The following CCDC6 variants were observed in gnomAD, a reference collection of about 807,000 sequenced individuals.
The protein encoded by CCDC6 is coiled-coil domain containing 6, also known as coiled-coil domain-containing protein 6.
A neutral mutation model predicts 56.6 loss-of-function variants in CCDC6; 20 were observed. That is an observed-to-expected ratio of 0.35 (90% CI 0.25 to 0.51). The LOEUF (loss-of-function observed/expected upper bound fraction) is 0.51, where lower values mean the gene tolerates loss of function less well. Among genes scored for constraint, CCDC6 ranks in the 20% least tolerant of loss-of-function variants. The pLI, the probability that CCDC6 is intolerant of heterozygous loss-of-function variation, is 0.95. For missense variants in CCDC6, 367 were observed against 601.1 expected (o/e 0.61, Z 4.07); for synonymous variants, 241 against 234.4 (o/e 1.03, Z -0.26).
intron 1 of CCDC6, among the ~76,000 whole-genome samples, chr10:59,884,663 A>C (rs2071369212): frequency 6.6e-6 from 1 of 152,184 alleles, no homozygotes; most frequent in Admixed American, 6.5e-5. Context: ...AAAAAAATCA[A>C]GATATAGAAC....
intron 3 of CCDC6, among the ~76,000 whole-genome samples, chr10:59,823,078 A>G (rs1483896417): frequency 6.6e-6 from 1 of 152,098 alleles, no homozygotes; most frequent in Non-Finnish European, 1.5e-5. Flanking sequence ...TCCAGCTAAG[A>G]GCCACTTTCA....
At chr10:59,859,188 A>ATATGTGTG (rs1491553436) in intron 1 of CCDC6, among the ~76,000 whole-genome samples, 33 of 96,046 alleles carry the variant, frequency 3.4e-4, no homozygotes, top group African/African-American at 2.0e-3. Flanking sequence ...AAAAAAAAAT[A>ATATGTGTG]CATGTGTGTG....
chr10:59,818,499 G>A (rs545595768), intron 3 of CCDC6, among the ~76,000 whole-genome samples: 6 of 116,074 alleles, frequency 5.2e-5, no homozygotes, highest in African/African-American at 7.8e-5. Context: ...TGTTGACGGG[G>A]GGGGGGGAAG....
intron 7 of CCDC6, among the ~76,000 whole-genome samples, chr10:59,795,398 C>A (rs10994010): frequency 0.093 from 14,083 of 152,054 alleles, 1,113 homozygotes; most frequent in African/African-American, 0.21. Flanking sequence ...CAGGGAAATG[C>A]AAATCAAAAC....
chr10:59,897,319 T>C (rs2071471145), intron 1 of CCDC6, among the ~76,000 whole-genome samples: 1 of 151,932 alleles, frequency 6.6e-6, no homozygotes. Context: ...AATGGTGCAA[T>C]CTCGGCTCAC....
chr10:59,841,643 C>CAG (rs2070939785), intron 2 of CCDC6, among the ~76,000 whole-genome samples: 1 of 151,854 alleles, frequency 6.6e-6, no homozygotes, highest in Non-Finnish European at 1.5e-5. Flanking sequence ...TAGGTAAATG[C>CAG]AGCAGGCATC....
intron 1 of CCDC6, among the ~76,000 whole-genome samples, chr10:59,892,070 A>G (rs1474329790): frequency 6.6e-6 from 1 of 152,184 alleles, no homozygotes; most frequent in African/African-American, 2.4e-5. Flanking sequence ...AGTCCATTTC[A>G]AAGATTCATG....
intron 1 of CCDC6, 140 bp from the exon 2 acceptor site, chr10:59,852,842 C>T (rs2071050422): frequency 3.4e-6 from 2 of 596,546 alleles, no homozygotes; most frequent in Non-Finnish European, 5.3e-6. Flanking sequence ...TGAACCAACA[C>T]ACCCAAGAAA....
chr10:59,869,389 C>CAAAAAAA lies in CCDC6; in HGVS notation c.304-16694_304-16688dup. The stretch of plus-strand genomic sequence containing the variant: ...GCAGTGAGACATGGACTTGCTCAGG[C>CAAAAAAA]AAAAAAAAAAAAAAAAAAAAAAAAA... On this transcript the variant is annotated intron_variant, in intron 1 of 8. Coordinates refer to ENST00000263102, the MANE Select transcript of CCDC6 (RefSeq NM_005436.5). Among the ~76,000 whole-genome samples, 27 of 6,096 alleles carry CAAAAAAA rather than the reference C, an allele frequency of 4.4e-3. 5 individuals are homozygous for CAAAAAAA. The highest frequency in any genetic ancestry group is 0.031 in the South Asian group (2 of 64). 4.0% of individuals were successfully genotyped at this position (6,096 alleles called of 152,430 possible). A position where few individuals can be genotyped will look rare whatever the true frequency, so the allele number is the denominator to read the frequency against.
intron 2 of CCDC6, among the ~76,000 whole-genome samples, chr10:59,833,709 T>A (rs1270905436): frequency 1.4e-5 from 2 of 143,362 alleles, no homozygotes; most frequent in African/African-American, 2.5e-5. Flanking sequence ...GGGAAAAAAG[T>A]AAAAGCTACT....
intron 2 of CCDC6, among the ~76,000 whole-genome samples, chr10:59,842,425 T>C (rs925991869): frequency 1.3e-5 from 2 of 152,350 alleles, no homozygotes; most frequent in African/African-American, 4.8e-5. Context: ...TGTTACACTT[T>C]ATCAAATCCT....
intron 1 of CCDC6, among the ~76,000 whole-genome samples, chr10:59,877,550 A>G (rs1184360060): frequency 6.6e-6 from 1 of 152,174 alleles, no homozygotes; most frequent in East Asian, 1.9e-4. Context: ...GGTCATGGAA[A>G]CTGATGTGGC....
At position 59,788,931 on chromosome 10, in the gene CCDC6, T is replaced by A. The variant is rs1483804849; in HGVS notation, c.*3986A>T. 1 of 212,996 alleles carries A rather than the reference T, an allele frequency of 4.7e-6. No individual in the cohort carries two copies. The highest frequency in any genetic ancestry group is 9.5e-6 in the Non-Finnish European group (1 of 105,356). The allele number at this position is 212,996 out of a possible 1,614,324, so 13.2% of individuals were successfully genotyped here. On this transcript the variant is annotated 3_prime_UTR_variant, in exon 9 of 9. Coordinates refer to ENST00000263102, the MANE Select transcript of CCDC6 (RefSeq NM_005436.5). ...TTACCAGAACTCCAACCTAGTCAAG[T>A]TGTAGACAAGCTATCATGAACAACA...
chr10:59,882,589 G>GGCGGGAGAAGGAAAGC (rs1564756215), intron 1 of CCDC6, among the ~76,000 whole-genome samples: 1 of 35,296 alleles, frequency 2.8e-5, no homozygotes, highest in Non-Finnish European at 7.1e-5. Flanking sequence ...AAGGAAAGCC[G>GGCGGGAGAAGGAAAGC]CGGGGAGAAG....
At chr10:59,808,011 T>C (rs1050741570) in intron 5 of CCDC6, among the ~76,000 whole-genome samples, 1 of 152,236 alleles carries the variant, frequency 6.6e-6, no homozygotes, top group Admixed American at 6.5e-5. Flanking sequence ...GTGGTGTGTG[T>C]GTGGCTGTCT....
In CCDC6 at chr10:59,885,624, G is replaced by A. The variant is rs546504532; in HGVS notation, c.303+20498C>T. Among the ~76,000 whole-genome samples, 25 of 152,184 alleles carry A rather than the reference G, an allele frequency of 1.6e-4. No homozygotes were observed. In the South Asian group the frequency reaches 4.4e-3, roughly 27 times the overall value. On this transcript the variant is annotated intron_variant, in intron 1 of 8. Transcript: ENST00000263102. ...CCCGATCTCACTCTGACCACAACTC[G>A]TCTTTCAGTTCCTCAAACCTGCCCT...
chr10:59,811,098 A>C (rs2070668660), intron 5 of CCDC6, among the ~76,000 whole-genome samples: 1 of 152,162 alleles, frequency 6.6e-6, no homozygotes, highest in African/African-American at 2.4e-5. Context: ...CCCTGATGAC[A>C]CCCTGATTTT....
chr10:59,891,864 AATAG>A (rs2071424564), intron 1 of CCDC6, among the ~76,000 whole-genome samples: 2 of 152,200 alleles, frequency 1.3e-5, no homozygotes, highest in South Asian at 4.1e-4. Context: ...CCAAAATATT[AATAG>A]TAGTTTGGAG....
chr10:59,818,218 G>A lies in CCDC6; in HGVS notation c.583-3463C>T, dbSNP rs188782000. Among the ~76,000 whole-genome samples, 616 of 152,162 alleles carry A rather than the reference G, an allele frequency of 4.0e-3. 7 individuals carry two copies. The highest frequency in any genetic ancestry group is 3.0e-3 in the Non-Finnish European group (204 of 68,022). On this transcript the variant is annotated intron_variant, in intron 3 of 8. Transcript: ENST00000263102. The stretch of plus-strand genomic sequence containing the variant: ...AGGACAGTTTAGGGAGTCTATGAGC[G>A]ATTTTGGAAACAGACGAGATCAGGA...
Sources: gnomAD v4.1 joint callset for allele counts (sites outside exome capture counted in the v4.1 genomes callset) on GRCh38, gnomAD v4.1.1 for gene constraint, MANE v1.5 for transcripts, NCBI Gene and HGNC (gene_info 2026-07-23, HGNC 2026-07-21) for gene names.